Variants in PFKFB3 observed in about 807,000 individuals in gnomAD.
PFKFB3 encodes the protein 6-phosphofructo-2-kinase/fructose-2,6-bisphosphatase 3.
PFKFB3 carries 33 observed loss-of-function variants against 68.0 expected under a neutral mutation model. The observed-to-expected ratio is 0.49, with a 90% CI of 0.37 to 0.65. PFKFB3 has a LOEUF of 0.65. Ranked by LOEUF, PFKFB3 falls within the 30% of genes least tolerant of loss-of-function variation. The pLI, the probability that PFKFB3 is intolerant of heterozygous loss-of-function variation, is 0.00. For missense variants in PFKFB3, 586 were observed against 712.2 expected (o/e 0.82, Z 2.02); for synonymous variants, 315 against 288.2 (o/e 1.09, Z -0.94).
chr10:6,231,101 G>A (rs897490017), intron 14 of PFKFB3, among the ~76,000 whole-genome samples: 4 of 152,130 alleles, frequency 2.6e-5, no homozygotes, highest in African/African-American at 9.7e-5. Flanking sequence ...GTGCCTTCCT[G>A]GGGGCTGTGC....
the PFKFB3 span, among the ~76,000 whole-genome samples, chr10:6,320,653 G>A: frequency 6.6e-6 from 1 of 152,220 alleles, no homozygotes; most frequent in South Asian, 2.1e-4. Flanking sequence ...TTGAACTCCT[G>A]GGCTTAAGGG....
At chr10:6,267,414 C>CT in the PFKFB3 span, among the ~76,000 whole-genome samples, 1 of 152,172 alleles carries the variant, frequency 6.6e-6, no homozygotes, top group Non-Finnish European at 1.5e-5. Flanking sequence ...GTGTACTTGG[C>CT]TAATACAGGG....
chr10:6,302,749 TAC>T, the PFKFB3 span, among the ~76,000 whole-genome samples: 87,539 of 145,568 alleles, frequency 0.6, 27,954 homozygotes, highest in Non-Finnish European at 0.73. Flanking sequence ...TGTGTGTGTA[TAC>T]ACACACACAC....
intron 1 of PFKFB3, among the ~76,000 whole-genome samples, chr10:6,162,824 G>A (rs1414597303): frequency 6.6e-6 from 1 of 152,140 alleles, no homozygotes; most frequent in Non-Finnish European, 1.5e-5. Context: ...CTTGGGAGCA[G>A]CCACTCCTCC....
chr10:6,286,977 T>A, the PFKFB3 span, among the ~76,000 whole-genome samples: 2 of 152,248 alleles, frequency 1.3e-5, no homozygotes, highest in Non-Finnish European at 2.9e-5. Context: ...GGAAATAACA[T>A]TGAACAACTT....
At position 6,171,074 on chromosome 10, in the gene PFKFB3, C is replaced by T. The variant is rs374874014; in HGVS notation, c.16+26061C>T. 3.0e-4 allele frequency among the ~76,000 whole-genome samples: 45 copies of T among 152,088 alleles called. No individual in the cohort carries two copies. In the East Asian group the frequency reaches 3.1e-3, roughly 10 times the overall value. On this transcript the variant is annotated intron_variant, in intron 1 of 14. Coordinates refer to the PFKFB3 transcript ENST00000379789. ...GAGACGGAGTTTCGCTCTTGTTGCC[C>T]AGGCTGGAGTGCAGTGGTGCAATGG...
At chr10:6,303,859 G>C in the PFKFB3 span, among the ~76,000 whole-genome samples, 536 of 151,762 alleles carry the variant, frequency 3.5e-3, 4 homozygotes, top group Middle Eastern at 0.024. Context: ...TGTTGATAGT[G>C]AGTTCCAGCC....
At chr10:6,314,065 A>G in the PFKFB3 span, among the ~76,000 whole-genome samples, 1 of 152,256 alleles carries the variant, frequency 6.6e-6, no homozygotes, top group Non-Finnish European at 1.5e-5. Flanking sequence ...AAGCAAGGGC[A>G]GTCACTGTTT....
intron 1 of PFKFB3, among the ~76,000 whole-genome samples, chr10:6,149,035 C>T (rs1421236040): frequency 1.1e-4 from 17 of 152,172 alleles, no homozygotes; most frequent in Non-Finnish European, 2.4e-4. Context: ...GCTACGATCA[C>T]ACCACTGCAC....
the PFKFB3 span, among the ~76,000 whole-genome samples, chr10:6,268,640 A>G: frequency 6.6e-6 from 1 of 151,442 alleles, no homozygotes; most frequent in Admixed American, 6.6e-5. Context: ...AAATAAATAA[A>G]TAGAAATTAT....
Position 6,220,576 on chromosome 10 carries a change from A to T in PFKFB3, c.624-82A>T. 3 of 1,282,934 alleles carry T rather than the reference A, an allele frequency of 2.3e-6. No individual in the cohort carries two copies. The highest frequency in any genetic ancestry group is 1.7e-5 in the Admixed American group (1 of 58,198). 79.5% of individuals were successfully genotyped at this position (1,282,934 alleles called of 1,614,324 possible). ...GGTCCCGCCTTGCTGTTCTCTGGGG[A>T]TCACATCTTCGGAGACGGGCCAGGT... On this transcript the variant is annotated intron_variant, in intron 7 of 14. Coordinates refer to ENST00000379775, the MANE Select transcript of PFKFB3 (RefSeq NM_004566.4). This position sits in a 1 kb window ranked among gnomAD's most constrained non-coding sequence, Gnocchi z 4.1.
chr10:6,159,631 G>A (rs1841913396), intron 1 of PFKFB3, among the ~76,000 whole-genome samples: 1 of 151,312 alleles, frequency 6.6e-6, no homozygotes, highest in African/African-American at 2.4e-5. Flanking sequence ...GGAGGAGGTT[G>A]CGGTGAGCCG....
intron 1 of PFKFB3, among the ~76,000 whole-genome samples, chr10:6,182,093 A>G (rs1286866287): frequency 1.3e-5 from 2 of 152,210 alleles, no homozygotes; most frequent in African/African-American, 4.8e-5. Flanking sequence ...CAATAAAACA[A>G]AAAGCAAAAG....
the PFKFB3 span, among the ~76,000 whole-genome samples, chr10:6,289,756 T>C: frequency 6.6e-6 from 1 of 152,202 alleles, no homozygotes; most frequent in Non-Finnish European, 1.5e-5. Flanking sequence ...CATTGGTAGC[T>C]TGATGGGGAT....
chr10:6,177,653 G>T (rs1017968242), intron 1 of PFKFB3, among the ~76,000 whole-genome samples: 1 of 151,180 alleles, frequency 6.6e-6, no homozygotes, highest in Admixed American at 6.6e-5. Context: ...AGCCTAACAA[G>T]TAGCTGGGAT....
At chr10:6,177,468 C>T (rs1375111628) in intron 1 of PFKFB3, among the ~76,000 whole-genome samples, 4 of 120,738 alleles carry the variant, frequency 3.3e-5, no homozygotes, top group Admixed American at 2.6e-4. Context: ...TTCTTTCTTT[C>T]TTTCTTTCTT....
At chr10:6,241,704 G>A (rs551487251) in intron 14 of PFKFB3, among the ~76,000 whole-genome samples, 51 of 152,260 alleles carry the variant, frequency 3.3e-4, no homozygotes, top group Non-Finnish European at 7.3e-5. Flanking sequence ...TACTTTGAGG[G>A]TATGTAAATA....
rs200933776 is a variant in PFKFB3 at position 6,215,323 on chromosome 10, G to C, written c.299+6G>C. ...GAAGCCATGAAAGTCCGGAAGTAAG[G>C]CTGGGCCGCGGGCGTAGGGCTGGGC... On this transcript the variant is annotated splice_donor_region_variant and intron_variant, in intron 3 of 14. Transcript: ENST00000379775. The surrounding 1 kb of genome is among the most constrained non-coding windows in gnomAD (Gnocchi z 4.3). 2 of 1,610,202 alleles carry C rather than the reference G, an allele frequency of 1.2e-6. No individual in the cohort carries two copies. Among genetic ancestry groups the C allele is most frequent in the East Asian group, 2.2e-5 (1 of 44,876 alleles).
At chr10:6,302,402 G>T in the PFKFB3 span, among the ~76,000 whole-genome samples, 1 of 85,458 alleles carries the variant, frequency 1.2e-5, no homozygotes, top group Non-Finnish European at 2.0e-5. Flanking sequence ...TTTTTTTTGA[G>T]ACGGAGTCTT....
Sources: allele counts gnomAD v4.1 joint callset (sites outside exome capture counted in the v4.1 genomes callset), GRCh38; gene constraint gnomAD v4.1.1; non-coding constraint Gnocchi (gnomAD v3.1); transcripts MANE v1.5; gene names NCBI Gene and HGNC (gene_info 2026-07-23, HGNC 2026-07-21).